TLE4: variants seen among roughly 807,000 people sequenced by gnomAD.
TLE4 encodes the protein transducin-like enhancer protein 4.
A neutral mutation model predicts 92.8 loss-of-function variants in TLE4; 8 were observed. That is an observed-to-expected ratio of 0.09 (90% CI 0.05 to 0.16). The LOEUF (loss-of-function observed/expected upper bound fraction) is 0.16, where lower values mean the gene tolerates loss of function less well. Among genes scored for constraint, TLE4 ranks in the 10% least tolerant of loss-of-function variants. The pLI is 1.00. For missense variants in TLE4, 675 were observed against 997.6 expected (o/e 0.68, Z 4.36); for synonymous variants, 371 against 374.1 (o/e 0.99, Z 0.10).
intron 6 of TLE4, among the ~76,000 whole-genome samples, chr9:79,631,938 T>G (rs1340610044): frequency 6.6e-6 from 1 of 152,304 alleles, no homozygotes; most frequent in East Asian, 1.9e-4. Flanking sequence ...TGTGGATACA[T>G]GGCCTCCAGT....
chr9:79,621,721 T>C (rs2051038575), intron 5 of TLE4, among the ~76,000 whole-genome samples: 1 of 152,120 alleles, frequency 6.6e-6, no homozygotes. Flanking sequence ...CTTTTGGTGA[T>C]AGGGAGAGTC....
At chr9:79,630,270 G>A (rs1242655379) in intron 6 of TLE4, among the ~76,000 whole-genome samples, 2 of 152,144 alleles carry the variant, frequency 1.3e-5, no homozygotes, top group Non-Finnish European at 2.9e-5. Flanking sequence ...GCAAAATGCT[G>A]AAGTGATCCC....
chr9:79,719,698 T>C (rs2075254363), intron 15 of TLE4, among the ~76,000 whole-genome samples: 1 of 152,146 alleles, frequency 6.6e-6, no homozygotes, highest in African/African-American at 2.4e-5. Flanking sequence ...GGTTCCAAGT[T>C]TGGATACTCC....
chr9:79,675,151 C>T (rs1256474923), intron 8 of TLE4, among the ~76,000 whole-genome samples: 1 of 152,142 alleles, frequency 6.6e-6, no homozygotes, highest in Non-Finnish European at 1.5e-5. Context: ...AATTGATGAA[C>T]AAGCACTTAC....
intron 5 of TLE4, among the ~76,000 whole-genome samples, chr9:79,622,578 A>C (rs1361488551): frequency 6.6e-6 from 1 of 152,178 alleles, no homozygotes; most frequent in South Asian, 2.1e-4. Flanking sequence ...TATGGAAATT[A>C]TCCTCCAGTT....
At chr9:79,585,796 C>T (rs892741597) in intron 4 of TLE4, among the ~76,000 whole-genome samples, 1 of 151,746 alleles carries the variant, frequency 6.6e-6, no homozygotes, top group Non-Finnish European at 1.5e-5. Flanking sequence ...TTATAAGGTA[C>T]TTTCTCATCC....
At chr9:79,596,920 A>G (rs750939337) in intron 4 of TLE4, among the ~76,000 whole-genome samples, 1 of 152,214 alleles carries the variant, frequency 6.6e-6, no homozygotes, top group African/African-American at 2.4e-5. Flanking sequence ...GCACAGCTGT[A>G]TAGTTCGTAA....
intron 8 of TLE4, among the ~76,000 whole-genome samples, chr9:79,665,843 T>C (rs1249618557): frequency 1.3e-5 from 2 of 152,230 alleles, no homozygotes. Flanking sequence ...TTAGCTCTGA[T>C]GATATTTTCT....
chr9:79,711,075 C>T (rs540884283), intron 14 of TLE4, among the ~76,000 whole-genome samples: 2 of 152,250 alleles, frequency 1.3e-5, no homozygotes. Flanking sequence ...TAACCTAGAC[C>T]CTTTCTTTAC....
At chr9:79,645,265 G>T (rs117687841) in intron 6 of TLE4, among the ~76,000 whole-genome samples, 1 of 152,170 alleles carries the variant, frequency 6.6e-6, no homozygotes, top group African/African-American at 2.4e-5. Context: ...AGCACAAAGT[G>T]TGCTCATTGC....
intron 8 of TLE4, among the ~76,000 whole-genome samples, chr9:79,703,017 T>C (rs1367875469): frequency 1.3e-5 from 2 of 152,098 alleles, no homozygotes; most frequent in Non-Finnish European, 2.9e-5. Flanking sequence ...ATGTTGTATG[T>C]TTTTATAAAC....
chr9:79,701,979 T>A (rs1460247983), intron 8 of TLE4, among the ~76,000 whole-genome samples: 1 of 152,238 alleles, frequency 6.6e-6, no homozygotes, highest in Non-Finnish European at 1.5e-5. Flanking sequence ...AATGAATGAT[T>A]AATTCTGCCT....
chr9:79,679,390 A>T (rs2063959675), intron 8 of TLE4, among the ~76,000 whole-genome samples: 1 of 152,010 alleles, frequency 6.6e-6, no homozygotes, highest in African/African-American at 2.4e-5. Context: ...GCATTTTTTC[A>T]TGTGTTTTTT....
intron 6 of TLE4, among the ~76,000 whole-genome samples, chr9:79,630,432 A>G (rs1192183125): frequency 6.6e-6 from 1 of 152,240 alleles, no homozygotes; most frequent in Non-Finnish European, 1.5e-5. Flanking sequence ...TTTTATTTAT[A>G]AGGAAGAAAA....
intron 4 of TLE4, among the ~76,000 whole-genome samples, chr9:79,604,173 G>A (rs1190514508): frequency 6.6e-6 from 1 of 152,166 alleles, no homozygotes; most frequent in Non-Finnish European, 1.5e-5. Context: ...TGTCCTGTGG[G>A]CTGAGACTTA....
chr9:79,639,305 A>G (rs1029689359), intron 6 of TLE4, among the ~76,000 whole-genome samples: 1 of 152,160 alleles, frequency 6.6e-6, no homozygotes, highest in Non-Finnish European at 1.5e-5. Context: ...CAGAGGAACT[A>G]TCTTAACTCA....
At chr9:79,657,750 A>C (rs1322055839) in intron 8 of TLE4, among the ~76,000 whole-genome samples, 3 of 152,244 alleles carry the variant, frequency 2.0e-5, no homozygotes, top group African/African-American at 7.2e-5. Flanking sequence ...AAATGTGTGC[A>C]TAATTCCAAT....
intron 4 of TLE4, among the ~76,000 whole-genome samples, chr9:79,601,021 C>T (rs2045520466): frequency 6.6e-6 from 1 of 152,156 alleles, no homozygotes. Flanking sequence ...CTAACAAATC[C>T]ATCAGTCCAG....
At chr9:79,606,225 T>TTTTTA (rs2046899421) in intron 4 of TLE4, among the ~76,000 whole-genome samples, 4 of 127,718 alleles carry the variant, frequency 3.1e-5, no homozygotes, top group East Asian at 2.3e-4. Context: ...TTTTTTTTTT[T>TTTTTA]AACAAGCACT....
Sources: gnomAD v4.1 joint callset for allele counts (sites outside exome capture counted in the v4.1 genomes callset) on GRCh38, gnomAD v4.1.1 for gene constraint, MANE v1.5 for transcripts, NCBI Gene and HGNC (gene_info 2026-07-23, HGNC 2026-07-21) for gene names.